The following ODAD2 variants were observed in gnomAD, a reference collection of about 807,000 sequenced individuals.
ODAD2 encodes the protein outer dynein arm-docking complex subunit 2.
In ODAD2, 89 loss-of-function variants were observed where a neutral mutation model predicts 106.8. The ratio of observed to expected loss-of-function variants is 0.83; its 90% confidence interval spans 0.70 to 0.99. ODAD2 has a LOEUF of 0.99. ODAD2 is among the 50% of genes least tolerant of loss of function. The probability of loss-of-function intolerance (pLI) is 0.00; values close to 1 mark genes in which losing one functional copy is unlikely to be tolerated. For missense variants in ODAD2, 1,168 were observed against 1,238.5 expected, an observed-to-expected ratio of 0.94 and a Z score of 0.85; for synonymous variants, 404 against 436.2, an observed-to-expected ratio of 0.93 and a Z score of 0.92.
At chr10:27,984,362 T>C (rs1462198315) in intron 4 of ODAD2, 72 bp from the exon 5 acceptor site, 1 of 1,007,634 alleles carries the variant, frequency 9.9e-7, no homozygotes, top group Non-Finnish European at 1.5e-6. Flanking sequence ...ACACATTTCA[T>C]TGTATCAGGA....
intron 19 of ODAD2, among the ~76,000 whole-genome samples, chr10:27,843,451 A>T (rs1226657466): frequency 6.6e-6 from 1 of 152,208 alleles, no homozygotes; most frequent in Non-Finnish European, 1.5e-5. Context: ...ATTCCTGATT[A>T]CCTGAGAGGT....
intron 10 of ODAD2, among the ~76,000 whole-genome samples, chr10:27,947,187 CCT>C (rs569327654): frequency 5.4e-4 from 82 of 152,230 alleles, no homozygotes; most frequent in African/African-American, 1.8e-3. Context: ...TTTTAAAAAT[CCT>C]CTCTTTATAA....
rs4405206 is a variant in ODAD2, at chr10:27,971,222, A to T, written c.1028T>A (p.Ile343Asn). Reference sequence around the variant, plus strand: ...CAGTGACCTTTTGTCTGAACCAGAAATGTCTTTGCGGAGGGCAGCTGCTTC... The same window carrying T: ...CAGTGACCTTTTGTCTGAACCAGAATTGTCTTTGCGGAGGGCAGCTGCTTC... ...KEEAAALRKD[I>N]SGSDKRSLEK... Residue 343 changes from isoleucine (I) to asparagine (N), a missense_variant, in exon 8 of 20, where the codon ATT (isoleucine) becomes AAT (asparagine). Ile to Asn is a moderately radical substitution (Grantham distance 149, BLOSUM62 -3). Transcript: ENST00000305242. 1.2e-6 allele frequency: 2 copies of T among 1,613,614 alleles called. No homozygotes were observed. Among genetic ancestry groups the T allele is most frequent in the African/African-American group, 2.7e-5 (2 of 74,836 alleles).
intron 18 of ODAD2, among the ~76,000 whole-genome samples, chr10:27,861,304 C>T (rs538648129): frequency 2.2e-4 from 34 of 152,268 alleles, no homozygotes; most frequent in Non-Finnish European, 3.7e-4. Flanking sequence ...AGGAACTAGA[C>T]TTTTGGTGGG....
At chr10:27,939,735 C>A (rs940032765) in intron 14 of ODAD2, among the ~76,000 whole-genome samples, 162 bp downstream of exon 14, 1 of 151,852 alleles carries the variant, frequency 6.6e-6, no homozygotes, top group African/African-American at 2.4e-5. Flanking sequence ...AAGACCCTAT[C>A]TCTAAAAAAA....
At position 27,906,146 on chromosome 10, in the gene ODAD2, A is replaced by G. The variant is rs181429868; in HGVS notation, c.2610+1517T>C. Among the ~76,000 whole-genome samples the G allele has an allele frequency of 4.4e-3, 667 of 152,330 alleles. 4 individuals carry two copies. Among genetic ancestry groups the G allele is most frequent in the African/African-American group, 0.015 (626 of 41,560 alleles). ...CAAAGGGCTGATATCCAGAATCTAC[A>G]AGGGACTTAAACAAATTTATAAGAA... is the stretch of plus-strand genomic sequence containing the variant. On this transcript the variant is annotated intron_variant, in intron 17 of 19. Coordinates refer to ENST00000305242, the MANE Select transcript of ODAD2 (RefSeq NM_018076.5).
At chr10:27,900,673 G>A (rs184947146) in intron 17 of ODAD2, among the ~76,000 whole-genome samples, 1 of 152,256 alleles carries the variant, frequency 6.6e-6, no homozygotes, top group East Asian at 1.9e-4. Flanking sequence ...GCATACACAA[G>A]TACCAATAGC....
At chr10:27,965,490 G>A (rs1848433484) in intron 9 of ODAD2, among the ~76,000 whole-genome samples, 1 of 152,148 alleles carries the variant, frequency 6.6e-6, no homozygotes, top group Non-Finnish European at 1.5e-5. Flanking sequence ...CAAAGTGGAA[G>A]AATGATTCAT....
At chr10:27,902,243 G>A (rs913194402) in intron 17 of ODAD2, among the ~76,000 whole-genome samples, 4 of 152,156 alleles carry the variant, frequency 2.6e-5, no homozygotes, top group Non-Finnish European at 5.9e-5. Flanking sequence ...AAATAAATAA[G>A]TTCTTTGAAA....
At chr10:27,944,151 A>C in intron 12 of ODAD2, 71 bp downstream of exon 12, 2 of 1,368,934 alleles carry the variant, frequency 1.5e-6, no homozygotes, top group Non-Finnish European at 2.0e-6. Context: ...GCGTGGCCAG[A>C]AAGGACAGCA....
At chr10:27,920,046 A>C (rs549848434) in intron 16 of ODAD2, among the ~76,000 whole-genome samples, 1 of 152,186 alleles carries the variant, frequency 6.6e-6, no homozygotes, top group South Asian at 2.1e-4. Flanking sequence ...TGAATTCTCA[A>C]GTATAAAATT....
chr10:27,892,724 C>G (rs1842637977), intron 17 of ODAD2, among the ~76,000 whole-genome samples: 1 of 152,164 alleles, frequency 6.6e-6, no homozygotes, highest in East Asian at 1.9e-4. Flanking sequence ...AACACAAAAG[C>G]AATGTCAACT....
intron 19 of ODAD2, among the ~76,000 whole-genome samples, chr10:27,840,429 G>T (rs1377028182): frequency 1.3e-5 from 2 of 152,140 alleles, no homozygotes; most frequent in African/African-American, 4.8e-5. Flanking sequence ...CATCATGAAC[G>T]CCCTTGACTG....
rs1401869885 is a variant in ODAD2 at position 27,985,016 on chromosome 10, C to T, written c.575+3G>A. 1 of 1,602,658 alleles carries T rather than the reference C, an allele frequency of 6.2e-7. No individual in the cohort carries two copies. Among genetic ancestry groups the T allele is most frequent in the Non-Finnish European group, 8.5e-7 (1 of 1,175,804 alleles). ...TAGAGGTTCCTTTTTGAAAAAGACTCACAATGAAATATGTTTTAGAGAATG... is the reference window on the plus strand; with the variant it reads ...TAGAGGTTCCTTTTTGAAAAAGACTTACAATGAAATATGTTTTAGAGAATG... On this transcript the variant is annotated splice_donor_region_variant and intron_variant, in intron 4 of 19. Coordinates refer to ENST00000305242, the MANE Select transcript of ODAD2 (RefSeq NM_018076.5).
chr10:27,899,705 G>A (rs894467890), intron 17 of ODAD2, among the ~76,000 whole-genome samples: 8 of 151,300 alleles, frequency 5.3e-5, no homozygotes, highest in Admixed American at 3.3e-4. Context: ...CAGGAAGTTC[G>A]AACTGGGCGG....
chr10:27,900,525 A>C (rs1832006), intron 17 of ODAD2, among the ~76,000 whole-genome samples: 23,636 of 152,182 alleles, frequency 0.16, 1,942 homozygotes, highest in Non-Finnish European at 0.17. Flanking sequence ...GAGCTAAAGG[A>C]GCATGTTCTA....
chr10:27,908,460 G>C (rs1305733144), intron 16 of ODAD2, among the ~76,000 whole-genome samples: 2 of 152,128 alleles, frequency 1.3e-5, no homozygotes, highest in African/African-American at 4.8e-5. Flanking sequence ...AATCAGTCCA[G>C]GAGCATAACC....
intron 10 of ODAD2, among the ~76,000 whole-genome samples, chr10:27,952,394 A>AT (rs557253279): frequency 1.2e-3 from 182 of 146,880 alleles, no homozygotes; most frequent in African/African-American, 3.2e-3. Flanking sequence ...TTTTTATTTT[A>AT]TTTTTTTTTT....
intron 19 of ODAD2, among the ~76,000 whole-genome samples, chr10:27,832,164 A>T (rs950829367): frequency 6.6e-6 from 1 of 152,116 alleles, no homozygotes; most frequent in Non-Finnish European, 1.5e-5. Flanking sequence ...TTTAAAAACC[A>T]CTCCTCGGAA....
Sources: allele counts gnomAD v4.1 joint callset (sites outside exome capture counted in the v4.1 genomes callset), GRCh38; gene constraint gnomAD v4.1.1; transcripts MANE v1.5; gene names NCBI Gene and HGNC (gene_info 2026-07-23, HGNC 2026-07-21).